Variants in EPPK1 observed in about 807,000 individuals in gnomAD.
EPPK1 encodes epiplakin.
For synonymous variants in EPPK1, 1,862 were observed against 1,721.2 expected (o/e 1.08, Z -2.03); for missense variants, 3,823 against 3,673.3 (o/e 1.04, Z -1.05).
upstream of EPPK1, among the ~76,000 whole-genome samples, chr8:143,878,661 A>C (rs1554662752): frequency 2.6e-5 from 4 of 151,416 alleles, no homozygotes; most frequent in Admixed American, 6.6e-5. Context: ...CCTCGTCCCC[A>C]GCAGGGAGTC....
rs1041275634 is a variant in EPPK1, at chr8:143,867,044, C to G, written c.6210G>C (p.Glu2070Asp). The G allele has an allele frequency of 5.6e-6, 9 of 1,612,788 alleles. No individual in the cohort carries two copies. The highest frequency in any genetic ancestry group is 5.3e-5 in the African/African-American group (4 of 74,926). Residue 2070 changes from glutamate to aspartate, a missense_variant, in exon 2 of 2, where the codon GAG becomes GAC. Coordinates refer to ENST00000615648, the MANE Select transcript of EPPK1 (RefSeq NM_031308.4). ...QEKVSYRELQ[E>D]RCRPQEDTGW... ...CCGTGTCCTCTTGTGGGCGGCACCT[C>G]TCCTGCAGCTCTCGGTACGAGACCT...
In EPPK1 at chr8:143,867,226, G is replaced by C; in HGVS notation, c.6028C>G (p.Gln2010Glu). ...TCGATGACACCCCCCGTGGCCACCT[G>C]CACCTCCAGCAGCCTCAGTGCCTCC... ...KAEALRLLEV[Q>E]VATGGVIDPQ... The change falls in exon 2 of 2, where the codon CAG (glutamine) becomes GAG (glutamate). Residue 2010 changes from glutamine to glutamate, a missense_variant. By Grantham distance (29) the Gln-to-Glu change is conservative. Coordinates refer to ENST00000615648, the MANE Select transcript of EPPK1 (RefSeq NM_031308.4). 6.2e-7 allele frequency: 1 copy of C among 1,612,692 alleles called. No individual in the cohort carries two copies. Among genetic ancestry groups the C allele is most frequent in the South Asian group, 1.1e-5 (1 of 91,070 alleles).
Position 143,868,237 on chromosome 8 carries a change from C to T in EPPK1, c.5017G>A (p.Val1673Ile), listed in dbSNP as rs564091699. 3.5e-5 allele frequency: 56 copies of T among 1,613,140 alleles called. No individual in the cohort carries two copies. Among genetic ancestry groups the T allele is most frequent in the African/African-American group, 1.1e-4 (8 of 75,048 alleles). The change falls in exon 2 of 2, where the codon GTC becomes ATC. Residue 1673 changes from valine (V) to isoleucine (I), a missense_variant. Val to Ile is a conservative substitution (Grantham distance 29, BLOSUM62 3). Coordinates refer to ENST00000615648, the MANE Select transcript of EPPK1 (RefSeq NM_031308.4). ...AGCAGGCGGATGCCGTGCTCCCGGA[C>T]GATGAGGTCCTTCTGCATGGCCTGG... ...LFQAMQKDLIVREHGIRLLEA... is the reference protein window; with the variant it reads ...LFQAMQKDLIIREHGIRLLEA...
rs782120480 is a variant in EPPK1 at position 143,866,747 on chromosome 8, G to C, written c.6507C>G (p.Asn2169Lys). Residue 2169 changes from asparagine (N) to lysine (K), a missense_variant, in exon 2 of 2, where the codon AAC becomes AAG. Coordinates refer to ENST00000615648, the MANE Select transcript of EPPK1 (RefSeq NM_031308.4). The part of the protein sequence containing the change: ...LELIEKQETS[N>K]KHLWFQGIRR... The stretch of plus-strand genomic sequence containing the variant: ...TAATTCCTTGGAACCACAGGTGTTT[G>C]TTGCTGGTTTCCTGCTTCTCGATCA... 1 of 1,613,518 alleles carries C rather than the reference G, an allele frequency of 6.2e-7. No individual in the cohort carries two copies. Among genetic ancestry groups the C allele is most frequent in the East Asian group, 2.2e-5 (1 of 44,882 alleles).
intron 1 of EPPK1, among the ~76,000 whole-genome samples, chr8:143,874,583 TCCGGAGGAAGTGCGGC>T (rs1819444937): frequency 6.6e-6 from 1 of 152,072 alleles, no homozygotes; most frequent in Admixed American, 6.5e-5. Context: ...CCCCTCGAGC[TCCGGAGGAAGTGCGGC>T]CCTGCCCACT....
In EPPK1 at chr8:143,873,025, C is replaced by A. The variant is rs782047225; in HGVS notation, c.229G>T (p.Ala77Ser). 6.4e-7 allele frequency: 1 copy of A among 1,572,324 alleles called. No homozygotes were observed. The highest frequency in any genetic ancestry group is 8.6e-7 in the Non-Finnish European group (1 of 1,158,696). Residue 77 changes from alanine (A) to serine (S), a missense_variant, in exon 2 of 2, where the codon GCC becomes TCC. Physicochemically the swap from Ala to Ser is moderately conservative, Grantham distance 99 (BLOSUM62 1). Coordinates refer to ENST00000615648, the MANE Select transcript of EPPK1 (RefSeq NM_031308.4). ...ACCAGGCCCCCAGTGGCTGCCTGGG[C>A]CTCTAGCAGAGCCTGCCCGAGCCCA... ...PAGLGQALLE[A>S]QAATGGLVDL...
intron 1 of EPPK1, among the ~76,000 whole-genome samples, chr8:143,874,029 C>T (rs1395824477): frequency 6.6e-6 from 1 of 152,218 alleles, no homozygotes; most frequent in Non-Finnish European, 1.5e-5. Context: ...TGGGCTATTG[C>T]CCCTCTGAGC....
Position 143,857,908 on chromosome 8 carries a change from A to AAAC in EPPK1, c.*78_*79insGTT. The AAAC allele has an allele frequency of 3.8e-6, 3 of 787,384 alleles. No individual in the cohort carries two copies. Among genetic ancestry groups the AAAC allele is most frequent in the Non-Finnish European group, 5.5e-6 (3 of 544,298 alleles). The allele number at this position is 787,384 out of a possible 1,614,324, so 48.8% of individuals were successfully genotyped here. A position where few individuals can be genotyped will look rare whatever the true frequency, so the allele number is the denominator to read the frequency against. On this transcript the variant is annotated 3_prime_UTR_variant, in exon 2 of 2. Transcript: ENST00000615648. ...AATTAAAGAATGACAAAAAAAAAAA[A>AAAC]AAAAAAAAAAACAACCCAGACACAC...
In EPPK1 at chr8:143,871,565, C is replaced by T; in HGVS notation, c.1689G>A (p.Leu563=). ...GCTCTCCTGGTGTCACGGTGTCCCT[C>T]AGCCCAGAAAAGGTGACCCTGGCAG... ...AATARVTFSG[L]RDTVTPGELL... The change falls in exon 2 of 2, where the codon CTG becomes CTA. Residue 563 remains leucine (L), a synonymous_variant. Coordinates refer to ENST00000615648, the MANE Select transcript of EPPK1 (RefSeq NM_031308.4). 1 of 1,608,410 alleles carries T rather than the reference C, an allele frequency of 6.2e-7. No homozygotes were observed.
chr8:143,867,059 G>T lies in EPPK1; in HGVS notation c.6195C>A (p.Tyr2065Ter). ...VDPNTQEKVS[Y>*]RELQERCRPQ... is the part of the protein sequence containing the mutation. ...GGCGGCACCTCTCCTGCAGCTCTCG[G>T]TACGAGACCTTCTCTTGCGTGTTCG... Residue 2065 changes from tyrosine to a stop codon, truncating the protein, a stop_gained, in exon 2 of 2, where the codon TAC becomes TAA. Transcript: ENST00000615648. LOFTEE classifies it low-confidence loss of function (END_TRUNC). 1 of 1,612,888 alleles carries T rather than the reference G, an allele frequency of 6.2e-7. No homozygotes were observed. The highest frequency in any genetic ancestry group is 1.1e-5 in the South Asian group (1 of 91,070).
Position 143,871,367 on chromosome 8 carries a change from GGC to G in EPPK1, c.1885_1886del (p.Ala629ProfsTer36). ...GSQERLSIYE[A>X]RCKGLLRPGT... Reference sequence around the variant, plus strand: ...CGGGCCGGAGGAGCCCCTTGCATCGGGCCTCATAGATGCTCAGGCGTTCCTGG... The same window carrying G: ...CGGGCCGGAGGAGCCCCTTGCATCGGCTCATAGATGCTCAGGCGTTCCTGG... On this transcript the variant is annotated frameshift_variant, in exon 2 of 2. Coordinates refer to ENST00000615648, the MANE Select transcript of EPPK1 (RefSeq NM_031308.4). LOFTEE classifies it low-confidence loss of function (END_TRUNC). The G allele has an allele frequency of 6.2e-7, 1 of 1,608,540 alleles. No homozygotes were observed. Among genetic ancestry groups the G allele is most frequent in the Non-Finnish European group, 8.5e-7 (1 of 1,178,378 alleles).
Position 143,868,419 on chromosome 8 carries a change from C to A in EPPK1, c.4835G>T (p.Gly1612Val), listed in dbSNP as rs1819215951. 1.2e-6 allele frequency: 2 copies of A among 1,612,528 alleles called. No homozygotes were observed. The highest frequency in any genetic ancestry group is 3.3e-5 in the Admixed American group (2 of 60,024). The change falls in exon 2 of 2, where the codon GGC becomes GTC. Residue 1612 changes from glycine to valine, a missense_variant. Coordinates refer to ENST00000615648, the MANE Select transcript of EPPK1 (RefSeq NM_031308.4). ...GTTCTCCACGGGGTCGATGATGAAG[C>A]CGGTAGCTGCCTGTGCCTCCAGCAG... ...LVLLEAQAAT[G>V]FIIDPVENRK...
rs782047593 is a variant in EPPK1 at position 143,868,901 on chromosome 8, C to T, written c.4353G>A (p.Arg1451=). The T allele has an allele frequency of 1.9e-6, 3 of 1,611,070 alleles. No homozygotes were observed. The highest frequency in any genetic ancestry group is 1.1e-5 in the South Asian group (1 of 91,078). ...EVDDHTAVAL[R]AMKVPVSTGR... is the part of the protein sequence containing the mutation. ...CTGTGCTGACGGGCACCTTCATGGC[C>T]CTCAGAGCCACCGCGGTGTGGTCGT... Residue 1451 remains arginine, a synonymous_variant, in exon 2 of 2, where the codon AGG becomes AGA. Coordinates refer to ENST00000615648, the MANE Select transcript of EPPK1 (RefSeq NM_031308.4).
chr8:143,874,103 G>A (rs1586703044), intron 1 of EPPK1, among the ~76,000 whole-genome samples: 1 of 152,344 alleles, frequency 6.6e-6, no homozygotes, highest in Non-Finnish European at 1.5e-5. Context: ...GGAGCCGGGT[G>A]CAGGCCAGGC....
chr8:143,873,353 G>A lies in EPPK1; in HGVS notation c.-45-55C>T, dbSNP rs1554661950. ...ACCCCGCATGGCCTGGTGGGCACGA[G>A]GGAAGATGCGGTCATGGGGCAATCC... On this transcript the variant is annotated intron_variant, in intron 1 of 1. Coordinates refer to ENST00000615648, the MANE Select transcript of EPPK1 (RefSeq NM_031308.4). 1.3e-5 allele frequency: 16 copies of A among 1,279,490 alleles called. No homozygotes were observed. In the East Asian group the frequency reaches 4.4e-4, roughly 35 times the overall value. The allele number at this position is 1,279,490 out of a possible 1,614,324, so 79.3% of individuals were successfully genotyped here. A position where few individuals can be genotyped will look rare whatever the true frequency, so the allele number is the denominator to read the frequency against.
chr8:143,869,943 C>T lies in EPPK1; in HGVS notation c.3311G>A (p.Arg1104Lys), dbSNP rs782503221. ...SYAQLLEECPRDETSGLHLLP... is the reference protein window; with the variant it reads ...SYAQLLEECPKDETSGLHLLP... Reference sequence around the variant, plus strand: ...GAGGTGAAGGCCAGAAGTCTCATCCCTGGGGCACTCCTCCAGGAGCTGGGC... The same window carrying T: ...GAGGTGAAGGCCAGAAGTCTCATCCTTGGGGCACTCCTCCAGGAGCTGGGC... The change falls in exon 2 of 2, where the codon AGG becomes AAG. Residue 1104 changes from arginine (R) to lysine (K), a missense_variant. By Grantham distance (26) the Arg-to-Lys change is conservative. Transcript: ENST00000615648. 3.1e-6 allele frequency: 5 copies of T among 1,608,318 alleles called. No individual in the cohort carries two copies. Among genetic ancestry groups the T allele is most frequent in the Middle Eastern group, 1.7e-4 (1 of 6,056 alleles).
Position 143,871,255 on chromosome 8 carries a change from C to A in EPPK1, c.1999G>T (p.Ala667Ser). 6.2e-7 allele frequency: 1 copy of A among 1,613,032 alleles called. No individual in the cohort carries two copies. Among genetic ancestry groups the A allele is most frequent in the South Asian group, 1.1e-5 (1 of 91,032 alleles). Residue 667 changes from alanine to serine, a missense_variant, in exon 2 of 2, where the codon GCA becomes TCA. Coordinates refer to ENST00000615648, the MANE Select transcript of EPPK1 (RefSeq NM_031308.4). The part of the protein sequence containing the change: ...KANKGHSVEE[A>S]LRAAVIGPDV... ...GGCCCAATGACAGCAGCCCTCAGTGCCTCCTCAACGGAGTGCCCCTTGTTT... is the reference window on the plus strand; with the variant it reads ...GGCCCAATGACAGCAGCCCTCAGTGACTCCTCAACGGAGTGCCCCTTGTTT...
chr8:143,867,483 G>A lies in EPPK1; in HGVS notation c.5771C>T (p.Ala1924Val), dbSNP rs781837101. The change falls in exon 2 of 2, where the codon GCA becomes GTA. Residue 1924 changes from alanine to valine, a missense_variant. Transcript: ENST00000615648. The stretch of plus-strand genomic sequence containing the variant: ...CTCCAGCAGCCAAGTCGCAAATGCT[G>A]CAGGGATGAGCTCCTTCCTGCTGGC... ...HEASRKELIPAAFATWLLEAQ... is the reference protein window; with the variant it reads ...HEASRKELIPVAFATWLLEAQ... The A allele has an allele frequency of 7.8e-5, 126 of 1,612,570 alleles. No individual in the cohort carries two copies. Among genetic ancestry groups the A allele is most frequent in the Non-Finnish European group, 1.0e-4 (123 of 1,179,850 alleles).
At chr8:143,878,308 G>C (rs1819521206) in intron 1 of EPPK1, 130 bp downstream of exon 1, 1 of 145,254 alleles carries the variant, frequency 6.9e-6, no homozygotes, top group African/African-American at 2.7e-5. Flanking sequence ...CTCCAGCGGG[G>C]ATCCGGTTTC....
Sources: allele counts gnomAD v4.1 joint callset (sites outside exome capture counted in the v4.1 genomes callset), GRCh38; gene constraint gnomAD v4.1.1; transcripts MANE v1.5; gene names NCBI Gene and HGNC (gene_info 2026-07-23, HGNC 2026-07-21).